The following RYR2 variants were observed in gnomAD, a reference collection of about 807,000 sequenced individuals.
RYR2 encodes the protein ryanodine receptor 2.
In RYR2, 227 loss-of-function variants were observed where a neutral mutation model predicts 601.1. The ratio of observed to expected loss-of-function variants is 0.38; its 90% CI spans 0.34 to 0.42. RYR2 has a LOEUF of 0.42. RYR2 is among the 10% of genes least tolerant of loss of function. The probability of loss-of-function intolerance (pLI) is 1.00; values close to 1 mark genes in which losing one functional copy is unlikely to be tolerated. For synonymous variants in RYR2, 2,223 were observed against 2,175.1 expected, an observed-to-expected ratio of 1.02 and a Z score of -0.61; for missense variants, 4,646 against 6,156.5, an observed-to-expected ratio of 0.75 and a Z score of 8.21.
chr1:237,334,144 C>T (rs535197746), intron 3 of RYR2, among the ~76,000 whole-genome samples: 2 of 152,074 alleles, frequency 1.3e-5, no homozygotes, highest in South Asian at 4.1e-4. Context: ...TGGTTAAGGA[C>T]CATTTTGCTA....
intron 42 of RYR2, among the ~76,000 whole-genome samples, chr1:237,631,866 G>T (rs7556134): frequency 8.0e-6 from 1 of 124,496 alleles, no homozygotes; most frequent in East Asian, 2.5e-4. Context: ...CTGACCTCGT[G>T]ATCCGCCCGC....
At chr1:237,124,687 T>C (rs560409451) in intron 1 of RYR2, among the ~76,000 whole-genome samples, 1 of 152,328 alleles carries the variant, frequency 6.6e-6, no homozygotes, top group East Asian at 1.9e-4. Context: ...ACAAGTCTTC[T>C]GCTTCTTCTA....
At chr1:237,210,255 A>G (rs112244644) in intron 1 of RYR2, among the ~76,000 whole-genome samples, 109 of 152,322 alleles carry the variant, frequency 7.2e-4, no homozygotes, top group Non-Finnish European at 1.4e-3. Flanking sequence ...ATTCTAATTC[A>G]GTTATAGTAC....
chr1:237,286,632 GT>G (rs1373428196), intron 2 of RYR2, among the ~76,000 whole-genome samples: 4 of 97,426 alleles, frequency 4.1e-5, no homozygotes, highest in Admixed American at 1.1e-4. Context: ...ACCCGTACTT[GT>G]TTTTGGTGTA....
chr1:237,666,616 G>GTC (rs1474507271), intron 57 of RYR2, 27 bp downstream of exon 57: 1 of 1,558,600 alleles, frequency 6.4e-7, no homozygotes. Context: ...TTTAAAAATA[G>GTC]TCTCCAAATT....
chr1:237,785,856 G>A, intron 90 of RYR2, 113 bp from the exon 91 acceptor site: 3 of 772,558 alleles, frequency 3.9e-6, no homozygotes, highest in Non-Finnish European at 6.7e-6. Context: ...CGTGGTATAA[G>A]CAAGAGGGTA....
intron 88 of RYR2, 105 bp from the exon 89 acceptor site, chr1:237,781,460 G>T (rs1301917589): frequency 3.2e-6 from 2 of 621,154 alleles, no homozygotes; most frequent in Admixed American, 2.7e-5. Context: ...GCTTCAAGTG[G>T]TTACTATTTA....
chr1:237,253,163 C>CA (rs33931680), intron 1 of RYR2, among the ~76,000 whole-genome samples: 1,483 of 109,552 alleles, frequency 0.014, 44 homozygotes, highest in African/African-American at 0.045. Context: ...GACTCCGTCT[C>CA]AAAAAAAAAA....
intron 92 of RYR2, among the ~76,000 whole-genome samples, chr1:237,789,040 A>G (rs1658016979): frequency 6.6e-6 from 1 of 151,470 alleles, no homozygotes; most frequent in African/African-American, 2.4e-5. Context: ...ATATGTGTGT[A>G]TATATGCATA....
chr1:237,382,750 G>A (rs887499070), intron 8 of RYR2, among the ~76,000 whole-genome samples: 9 of 152,006 alleles, frequency 5.9e-5, no homozygotes, highest in Non-Finnish European at 1.2e-4. Context: ...TGAAAATAAT[G>A]ATAAAAGAGT....
chr1:237,799,831 TGCAAGCA>T (rs1659738006), intron 97 of RYR2, among the ~76,000 whole-genome samples: 2 of 152,208 alleles, frequency 1.3e-5, no homozygotes, highest in Admixed American at 1.3e-4. Context: ...GTGGAATAGC[TGCAAGCA>T]GTCTGGAAGG....
chr1:237,306,469 C>A (rs1194624016), intron 2 of RYR2, among the ~76,000 whole-genome samples: 4 of 152,192 alleles, frequency 2.6e-5, no homozygotes, highest in African/African-American at 9.7e-5. Flanking sequence ...TTCACTTATG[C>A]ACATCCAAAA....
chr1:237,579,288 C>T (rs1673627260), intron 29 of RYR2, among the ~76,000 whole-genome samples: 1 of 128,488 alleles, frequency 7.8e-6, no homozygotes, highest in South Asian at 2.5e-4. Flanking sequence ...CAGAGTTTCA[C>T]TCTTGTTGCC....
At chr1:237,600,297 C>T (rs1460592654) in intron 34 of RYR2, among the ~76,000 whole-genome samples, 1 of 151,888 alleles carries the variant, frequency 6.6e-6, no homozygotes, top group Non-Finnish European at 1.5e-5. Context: ...AAAAAAAACA[C>T]CTATCCATAT....
rs184135526 is a variant in RYR2 at position 237,495,579 on chromosome 1, T to C, written c.1962-932T>C. Among the ~76,000 whole-genome samples the C allele has an allele frequency of 4.3e-4, 66 of 152,348 alleles. 1 individual carries two copies. The highest frequency in any genetic ancestry group is 4.0e-3 in the Admixed American group (61 of 15,302). ...GATTCTTTATATAACAGACCTGCCG[T>C]TTATGAGTGATATGTTCTGAGACCT... is the stretch of plus-strand genomic sequence containing the variant. On this transcript the variant is annotated intron_variant, in intron 19 of 104. Coordinates refer to ENST00000366574, the MANE Select transcript of RYR2 (RefSeq NM_001035.3).
chr1:237,777,390 G>C (rs533433867), intron 87 of RYR2, among the ~76,000 whole-genome samples: 21 of 152,138 alleles, frequency 1.4e-4, no homozygotes, highest in African/African-American at 5.1e-4. Flanking sequence ...TCAACATCTT[G>C]GATCTGGCCA....
chr1:237,783,245 G>T (rs1393826104), intron 89 of RYR2, among the ~76,000 whole-genome samples: 1 of 152,126 alleles, frequency 6.6e-6, no homozygotes, highest in Non-Finnish European at 1.5e-5. Flanking sequence ...GGTAAAATTA[G>T]GGTTAACAAA....
At chr1:237,353,941 G>A (rs1450675755) in intron 3 of RYR2, among the ~76,000 whole-genome samples, 1 of 152,088 alleles carries the variant, frequency 6.6e-6, no homozygotes, top group Non-Finnish European at 1.5e-5. Flanking sequence ...GTCTTGATTA[G>A]CTCCATTTGA....
chr1:237,374,752 T>G lies in RYR2; in HGVS notation c.420T>G (p.Thr140=). Residue 140 remains threonine (T), a synonymous_variant, in exon 7 of 105, where the codon ACT becomes ACG. Transcript: ENST00000366574. ...LCCLSTSRSS[T]DKLAFDVGLQ... ...GCCTGTCCACCTCCCGGTCTTCAAC[T>G]GATAAGCTGGCTTTTGATGTTGGCT... is the stretch of plus-strand genomic sequence containing the variant. 1.2e-6 allele frequency: 2 copies of G among 1,613,178 alleles called. No individual in the cohort carries two copies. Among genetic ancestry groups the G allele is most frequent in the Non-Finnish European group, 1.7e-6 (2 of 1,179,552 alleles).
Sources: allele counts gnomAD v4.1 joint callset (sites outside exome capture counted in the v4.1 genomes callset), GRCh38; gene constraint gnomAD v4.1.1; transcripts MANE v1.5; gene names NCBI Gene and HGNC (gene_info 2026-07-23, HGNC 2026-07-21).